PDE3B: variants seen among roughly 807,000 people sequenced by gnomAD.
PDE3B encodes phosphodiesterase 3B, also known as cGMP-inhibited 3',5'-cyclic phosphodiesterase 3B.
In PDE3B, 66 loss-of-function variants were observed where a neutral mutation model predicts 116.8. That is an observed-to-expected ratio of 0.56 (90% CI 0.46 to 0.69). The LOEUF (loss-of-function observed/expected upper bound fraction) is 0.69. Among genes scored for constraint, PDE3B ranks in the 30% least tolerant of loss-of-function variants. PDE3B has a pLI of 0.00. For synonymous variants in PDE3B, 595 were observed against 533.6 expected (o/e 1.12, Z -1.59); for missense variants, 1,384 against 1,368.1 (o/e 1.01, Z -0.18).
chr11:14,789,173 C>A lies in PDE3B; in HGVS notation c.1346C>A (p.Pro449His). 1 of 1,610,648 alleles carries A rather than the reference C, an allele frequency of 6.2e-7. No individual in the cohort carries two copies. Among genetic ancestry groups the A allele is most frequent in the Non-Finnish European group, 8.5e-7 (1 of 1,177,476 alleles). Reference sequence around the variant, plus strand: ...AGCTCAGGAACTTCAGGATTGCTACCTGTTGAACAGTCTTCAAGGTGGGAT... The same window carrying A: ...AGCTCAGGAACTTCAGGATTGCTACATGTTGAACAGTCTTCAAGGTGGGAT... The part of the protein sequence containing the change: ...RRSSGTSGLL[P>H]VEQSSRWDRN... Residue 449 changes from proline (P) to histidine (H), a missense_variant, in exon 4 of 16, where the codon CCT becomes CAT. This residue lies in a region of PDE3B where 956 missense variants were observed against 806.8 expected (regional missense o/e 1.18). Transcript: ENST00000282096.
chr11:14,799,852 T>C (rs1422366728), intron 4 of PDE3B, among the ~76,000 whole-genome samples: 2 of 151,566 alleles, frequency 1.3e-5, no homozygotes, highest in African/African-American at 4.8e-5. Flanking sequence ...GAGATGGGTC[T>C]CCTGAATACA....
At chr11:14,825,823 G>T (rs998021336) in intron 7 of PDE3B, among the ~76,000 whole-genome samples, 1 of 152,126 alleles carries the variant, frequency 6.6e-6, no homozygotes, top group Non-Finnish European at 1.5e-5. Context: ...AAAAACAACA[G>T]AATGTACATT....
rs1854969065 is a variant in PDE3B, at chr11:14,688,931, C to T, written c.978+43878C>T. ...GAGATTATAGGTGCCCACCACCATG[C>T]CTGGCTAATTTTTGTATTTTTAGTA... On this transcript the variant is annotated intron_variant, in intron 1 of 15. Transcript: ENST00000282096. Among the ~76,000 whole-genome samples, 3 of 152,116 alleles carry T rather than the reference C, an allele frequency of 2.0e-5. No homozygotes were observed. The South Asian group carries it at 6.2e-4, about 32-fold the overall frequency.
At chr11:14,683,459 G>T (rs1590059411) in intron 1 of PDE3B, among the ~76,000 whole-genome samples, 1 of 152,032 alleles carries the variant, frequency 6.6e-6, no homozygotes, top group African/African-American at 2.4e-5. Context: ...GAATTTATGT[G>T]TAAAGTGTTA....
chr11:14,662,919 C>T (rs1268617929), intron 1 of PDE3B, among the ~76,000 whole-genome samples: 4 of 152,106 alleles, frequency 2.6e-5, no homozygotes, highest in Non-Finnish European at 5.9e-5. Flanking sequence ...CCCAATCTAG[C>T]AAGGTAGGCC....
chr11:14,828,553 G>C (rs528532967), intron 7 of PDE3B, among the ~76,000 whole-genome samples: 3 of 152,300 alleles, frequency 2.0e-5, no homozygotes, highest in African/African-American at 7.2e-5. Flanking sequence ...ACAATCATAT[G>C]AAAAACAGCT....
At chr11:14,809,798 A>C (rs755499339) in intron 5 of PDE3B, among the ~76,000 whole-genome samples, 1 of 152,224 alleles carries the variant, frequency 6.6e-6, no homozygotes, top group Admixed American at 6.5e-5. Flanking sequence ...CTAATCAGAC[A>C]TCAAGACTGC....
intron 1 of PDE3B, among the ~76,000 whole-genome samples, chr11:14,764,421 A>G (rs893339938): frequency 2.1e-4 from 32 of 152,142 alleles, no homozygotes; most frequent in African/African-American, 7.7e-4. Flanking sequence ...AATGCTGAGT[A>G]ATCAGTAGAA....
intron 11 of PDE3B, among the ~76,000 whole-genome samples, chr11:14,835,962 A>G (rs892868581): frequency 1.7e-4 from 26 of 152,334 alleles, no homozygotes; most frequent in Admixed American, 2.6e-4. Context: ...TCAGTTACCA[A>G]TACTTGAGAA....
In PDE3B at chr11:14,778,479, C is replaced by T. The variant is rs374469390; in HGVS notation, c.1029+6492C>T. Among the ~76,000 whole-genome samples, 120 of 152,290 alleles carry T rather than the reference C, an allele frequency of 7.9e-4. No individual in the cohort carries two copies. In the Middle Eastern group the frequency reaches 0.014, roughly 17 times the overall value. On this transcript the variant is annotated intron_variant, in intron 2 of 15. Coordinates refer to ENST00000282096, the MANE Select transcript of PDE3B (RefSeq NM_000922.4). ...CTCTGAGACGAAGCTTCCAGAGGAACGATCAGGCAGCAACATTTGCCTTTC... is the reference window on the plus strand; with the variant it reads ...CTCTGAGACGAAGCTTCCAGAGGAATGATCAGGCAGCAACATTTGCCTTTC...
intron 1 of PDE3B, among the ~76,000 whole-genome samples, chr11:14,649,080 A>C (rs1232512011): frequency 1.3e-5 from 2 of 152,100 alleles, no homozygotes; most frequent in African/African-American, 2.4e-5. Context: ...TCACATCTCC[A>C]TAATTTGTTT....
At chr11:14,875,525 G>A (rs556775375), downstream of PDE3B, among the ~76,000 whole-genome samples, 5 of 152,224 alleles carry the variant, frequency 3.3e-5, no homozygotes, top group East Asian at 1.9e-4. Flanking sequence ...TCCCTATTGC[G>A]TAGATCCAAT....
intron 12 of PDE3B, among the ~76,000 whole-genome samples, chr11:14,856,105 G>C (rs1847844618): frequency 6.6e-6 from 1 of 152,222 alleles, no homozygotes; most frequent in Non-Finnish European, 1.5e-5. Flanking sequence ...CTCCCATGCT[G>C]TTCTTATGAT....
At chr11:14,774,853 A>C (rs1168022011) in intron 2 of PDE3B, 1 of 152,098 alleles carries the variant, frequency 6.6e-6, no homozygotes, top group African/African-American at 2.4e-5. Context: ...ACTCTCTTGT[A>C]CTTCTCTGTC....
chr11:14,645,788 G>C (rs1325194943), intron 1 of PDE3B, among the ~76,000 whole-genome samples: 1 of 151,476 alleles, frequency 6.6e-6, no homozygotes, highest in Non-Finnish European at 1.5e-5. Flanking sequence ...TTTTTTAAAA[G>C]GGATTGAAAT....
intron 1 of PDE3B, among the ~76,000 whole-genome samples, chr11:14,726,102 C>G (rs1335964582): frequency 1.3e-5 from 2 of 152,068 alleles, no homozygotes; most frequent in Non-Finnish European, 2.9e-5. Flanking sequence ...ATGCTCTTCC[C>G]CCATATTTTC....
At chr11:14,693,141 A>G (rs530572937) in intron 1 of PDE3B, among the ~76,000 whole-genome samples, 9 of 152,328 alleles carry the variant, frequency 5.9e-5, no homozygotes, top group African/African-American at 2.2e-4. Flanking sequence ...ACTCTCTTCA[A>G]TTCTGTGAAG....
At chr11:14,654,171 A>C (rs554771437) in intron 1 of PDE3B, among the ~76,000 whole-genome samples, 21 of 152,210 alleles carry the variant, frequency 1.4e-4, no homozygotes, top group Non-Finnish European at 2.5e-4. Flanking sequence ...CATTTTAAAG[A>C]ACTGATGAAA....
chr11:14,865,055 G>C (rs1368501202), intron 14 of PDE3B, among the ~76,000 whole-genome samples: 1 of 152,006 alleles, frequency 6.6e-6, no homozygotes, highest in African/African-American at 2.4e-5. Context: ...TCCAGGAGCT[G>C]GTTTTTTGAA....
Sources: allele counts gnomAD v4.1 joint callset (sites outside exome capture counted in the v4.1 genomes callset), GRCh38; gene constraint gnomAD v4.1.1; regional missense constraint gnomAD v4.1.1; transcripts MANE v1.5; gene names NCBI Gene and HGNC (gene_info 2026-07-23, HGNC 2026-07-21).